PPARGC1A: variants seen among roughly 807,000 people sequenced by gnomAD.
PPARGC1A encodes peroxisome proliferator-activated receptor gamma coactivator 1-alpha.
Under a neutral mutation model 88.7 loss-of-function variants are expected in PPARGC1A, and 25 were observed. That is an observed-to-expected ratio of 0.28 (90% CI 0.21 to 0.39). PPARGC1A has a LOEUF of 0.39. Ranked by LOEUF, PPARGC1A falls within the 10% of genes least tolerant of loss-of-function variation. PPARGC1A has a pLI of 1.00. For synonymous variants in PPARGC1A, 363 were observed against 355.6 expected (o/e 1.02, Z -0.24); for missense variants, 880 against 968.7 (o/e 0.91, Z 1.22).
the PPARGC1A span, among the ~76,000 whole-genome samples, chr4:24,125,565 A>G: frequency 6.6e-6 from 1 of 151,230 alleles, no homozygotes; most frequent in Non-Finnish European, 1.5e-5. Context: ...GGAAAACTCC[A>G]CTCCTGCATT....
At chr4:24,246,300 T>C in the PPARGC1A span, among the ~76,000 whole-genome samples, 1 of 152,202 alleles carries the variant, frequency 6.6e-6, no homozygotes, top group Non-Finnish European at 1.5e-5. Flanking sequence ...TTGTGCTGTT[T>C]CTCATTCAGA....
the PPARGC1A span, among the ~76,000 whole-genome samples, chr4:23,979,425 T>A: frequency 3.9e-5 from 6 of 152,216 alleles, no homozygotes; most frequent in African/African-American, 1.4e-4. Context: ...TGCATCTACA[T>A]GGTTACAATT....
At chr4:24,070,542 A>AACAG in the PPARGC1A span, among the ~76,000 whole-genome samples, 2 of 152,090 alleles carry the variant, frequency 1.3e-5, no homozygotes, top group African/African-American at 4.8e-5. Context: ...ACAAAGCAAA[A>AACAG]ACAGAAAGTA....
chr4:23,921,122 C>A, the PPARGC1A span, among the ~76,000 whole-genome samples: 1 of 151,958 alleles, frequency 6.6e-6, no homozygotes, highest in African/African-American at 2.4e-5. Context: ...GCAAAGCGAA[C>A]AATTCCTTTC....
At chr4:24,081,224 CA>C in the PPARGC1A span, among the ~76,000 whole-genome samples, 4 of 152,076 alleles carry the variant, frequency 2.6e-5, no homozygotes, top group Non-Finnish European at 5.9e-5. Flanking sequence ...TTGACCATTT[CA>C]GTTTCCAAAA....
chr4:24,007,173 C>T, the PPARGC1A span, among the ~76,000 whole-genome samples: 3 of 152,094 alleles, frequency 2.0e-5, no homozygotes, highest in Non-Finnish European at 4.4e-5. Flanking sequence ...AGAGCCATTC[C>T]ATCACGATCT....
the PPARGC1A span, among the ~76,000 whole-genome samples, chr4:24,302,642 C>T: frequency 4.6e-5 from 7 of 152,218 alleles, no homozygotes; most frequent in Non-Finnish European, 1.0e-4. Flanking sequence ...AAACTTCCCA[C>T]GGTCACTTAG....
chr4:24,230,311 GC>G, the PPARGC1A span, among the ~76,000 whole-genome samples: 1 of 152,134 alleles, frequency 6.6e-6, no homozygotes, highest in Non-Finnish European at 1.5e-5. Flanking sequence ...AACAGTCAAA[GC>G]CCCCCACTTC....
At chr4:23,937,053 T>C in the PPARGC1A span, among the ~76,000 whole-genome samples, 4 of 151,600 alleles carry the variant, frequency 2.6e-5, no homozygotes, top group Non-Finnish European at 4.4e-5. Flanking sequence ...CCAGGAGGGG[T>C]GCCATGAAGG....
the PPARGC1A span, among the ~76,000 whole-genome samples, chr4:24,242,748 C>T: frequency 1.6e-3 from 243 of 152,262 alleles, 1 homozygote; most frequent in African/African-American, 5.1e-3. Context: ...AACCTCTGCT[C>T]TCAGGACTCC....
At chr4:24,121,028 T>C in the PPARGC1A span, among the ~76,000 whole-genome samples, 1 of 152,232 alleles carries the variant, frequency 6.6e-6, no homozygotes, top group Non-Finnish European at 1.5e-5. Context: ...AGCTTGCTAG[T>C]TGCCATTCCT....
At chr4:24,027,341 T>A in the PPARGC1A span, among the ~76,000 whole-genome samples, 16 of 152,152 alleles carry the variant, frequency 1.1e-4, no homozygotes. Flanking sequence ...TTGGTTCAGT[T>A]CTTACTACCC....
At chr4:24,094,646 G>A in the PPARGC1A span, among the ~76,000 whole-genome samples, 2 of 152,200 alleles carry the variant, frequency 1.3e-5, no homozygotes, top group Non-Finnish European at 2.9e-5. Context: ...TGAAAGCAAA[G>A]TGAAGCATCA....
At chr4:23,961,908 T>C in the PPARGC1A span, among the ~76,000 whole-genome samples, 1 of 152,200 alleles carries the variant, frequency 6.6e-6, no homozygotes, top group African/African-American at 2.4e-5. Flanking sequence ...GTGAACACTT[T>C]AACTAATAAG....
At chr4:23,803,863 A>T (rs2932965) in intron 10 of PPARGC1A, among the ~76,000 whole-genome samples, 1 of 152,036 alleles carries the variant, frequency 6.6e-6, no homozygotes, top group East Asian at 1.9e-4. Flanking sequence ...AGTAATTTGG[A>T]CTGAAAGCAA....
the PPARGC1A span, among the ~76,000 whole-genome samples, chr4:24,378,127 A>G: frequency 1.3e-5 from 2 of 152,154 alleles, no homozygotes; most frequent in African/African-American, 4.8e-5. Context: ...ACCTGAGGTC[A>G]GGAGTTTGAG....
the PPARGC1A span, among the ~76,000 whole-genome samples, chr4:24,158,984 C>A: frequency 6.6e-6 from 1 of 152,078 alleles, no homozygotes; most frequent in Admixed American, 6.6e-5. Context: ...GATAGTTGAA[C>A]TGACAGCAGT....
upstream of PPARGC1A, among the ~76,000 whole-genome samples, chr4:23,901,998 A>G (rs1451103449): frequency 6.6e-6 from 1 of 152,158 alleles, no homozygotes; most frequent in Non-Finnish European, 1.5e-5. Context: ...GGCTACTGAG[A>G]ACTTAAAATG....
chr4:24,258,259 G>A, the PPARGC1A span: 45 of 966,730 alleles, frequency 4.7e-5, no homozygotes, highest in South Asian at 1.9e-4. Context: ...ACTGATTTTC[G>A]CAAAAAACCT....
Sources: allele counts gnomAD v4.1 joint callset (sites outside exome capture counted in the v4.1 genomes callset), GRCh38; gene constraint gnomAD v4.1.1; transcripts MANE v1.5; gene names NCBI Gene and HGNC (gene_info 2026-07-23, HGNC 2026-07-21).